The following EVI5 variants were observed in gnomAD, a reference collection of about 807,000 sequenced individuals.
EVI5 encodes the protein ecotropic viral integration site 5.
EVI5 carries 73 observed loss-of-function variants against 112.0 expected under a neutral mutation model. The ratio of observed to expected loss-of-function variants is 0.65; its 90% CI spans 0.54 to 0.79. EVI5 has a LOEUF of 0.79. Ranked by LOEUF, EVI5 falls within the 30% of genes least tolerant of loss-of-function variation. The pLI, the probability that EVI5 is intolerant of heterozygous loss-of-function variation, is 0.00. For synonymous variants in EVI5, 305 were observed against 319.9 expected (o/e 0.95, Z 0.50); for missense variants, 900 against 968.8 (o/e 0.93, Z 0.94).
intron 1 of EVI5, among the ~76,000 whole-genome samples, chr1:92,747,460 T>C (rs1558194196): frequency 6.6e-6 from 1 of 152,010 alleles, no homozygotes; most frequent in East Asian, 1.9e-4. Flanking sequence ...ATGCCTGTAA[T>C]CCCAGCACTG....
In EVI5 at chr1:92,549,370, T is replaced by C. The variant is rs183978600; in HGVS notation, c.2166+14272A>G. On this transcript the variant is annotated intron_variant, in intron 19 of 19. Transcript: ENST00000684568. Reference sequence around the variant, plus strand: ...ATTCAAGATGAATTAAAGACTTAAATGTTAGACCTAAAACTATAAAAACCC... The same window carrying C: ...ATTCAAGATGAATTAAAGACTTAAACGTTAGACCTAAAACTATAAAAACCC... Among the ~76,000 whole-genome samples the C allele has an allele frequency of 1.8e-4, 28 of 152,248 alleles. 1 individual carries two copies. In the East Asian group the frequency reaches 5.0e-3, roughly 27 times the overall value.
intron 18 of EVI5, among the ~76,000 whole-genome samples, chr1:92,584,109 A>G (rs2101122538): frequency 6.6e-6 from 1 of 152,298 alleles, no homozygotes; most frequent in East Asian, 1.9e-4. Flanking sequence ...CATTTTAAGA[A>G]TATTTTATAT....
At chr1:92,775,788 G>T (rs552490795) in intron 1 of EVI5, among the ~76,000 whole-genome samples, 2 of 152,134 alleles carry the variant, frequency 1.3e-5, no homozygotes, top group Non-Finnish European at 2.9e-5. Context: ...TGAGAAGCAG[G>T]CTTCTGTATT....
chr1:92,549,251 G>A (rs1302338025), intron 19 of EVI5, among the ~76,000 whole-genome samples: 4 of 152,258 alleles, frequency 2.6e-5, no homozygotes, highest in African/African-American at 9.6e-5. Context: ...ATGGGGAAAG[G>A]ATTCCCTATT....
intron 19 of EVI5, among the ~76,000 whole-genome samples, chr1:92,547,630 A>G (rs1178330118): frequency 6.6e-6 from 1 of 152,162 alleles, no homozygotes; most frequent in East Asian, 1.9e-4. Flanking sequence ...AGAGAGAAGA[A>G]TCAAATAGAC....
intron 19 of EVI5, among the ~76,000 whole-genome samples, chr1:92,563,195 C>T (rs1442245059): frequency 6.6e-6 from 1 of 152,016 alleles, no homozygotes; most frequent in Non-Finnish European, 1.5e-5. Context: ...TGATATTAGG[C>T]AAGTATCCTT....
At chr1:92,705,434 G>A (rs945422848) in intron 2 of EVI5, among the ~76,000 whole-genome samples, 4 of 152,116 alleles carry the variant, frequency 2.6e-5, no homozygotes, top group Non-Finnish European at 5.9e-5. Context: ...TAGCTGCGTG[G>A]GAGCTTCTTC....
intron 19 of EVI5, among the ~76,000 whole-genome samples, chr1:92,551,348 T>G (rs1666910082): frequency 1.3e-5 from 2 of 152,150 alleles, no homozygotes; most frequent in South Asian, 4.2e-4. Context: ...TTTCTATTCC[T>G]CCCCCTTCTC....
intron 1 of EVI5, among the ~76,000 whole-genome samples, chr1:92,776,783 A>T: frequency 6.7e-6 from 1 of 150,260 alleles, no homozygotes; most frequent in Non-Finnish European, 1.5e-5. Flanking sequence ...CTACAGGTGC[A>T]CACCACCATA....
In EVI5 at chr1:92,708,627, G is replaced by A. The variant is rs1291980052; in HGVS notation, c.150-3883C>T. Reference sequence around the variant, plus strand: ...TCCACTCTTAGGTATATATCCAAAAGAAATGAAAATTTATATCCATCAAAA... The same window carrying A: ...TCCACTCTTAGGTATATATCCAAAAAAAATGAAAATTTATATCCATCAAAA... On this transcript the variant is annotated intron_variant, in intron 2 of 19. Coordinates refer to ENST00000684568, the MANE Select transcript of EVI5 (RefSeq NM_001350197.2). Among the ~76,000 whole-genome samples the A allele has an allele frequency of 5.9e-5, 9 of 151,848 alleles. No homozygotes were observed. The South Asian group carries it at 1.5e-3, about 24-fold the overall frequency.
chr1:92,592,004 G>T (rs1422788320), intron 18 of EVI5, among the ~76,000 whole-genome samples: 1 of 152,224 alleles, frequency 6.6e-6, no homozygotes, highest in East Asian at 1.9e-4. Context: ...AGCACTTTGG[G>T]AGGCCAAGGC....
At position 92,697,886 on chromosome 1, in the gene EVI5, T is replaced by C; in HGVS notation, c.739A>G (p.Met247Val). The change falls in exon 6 of 20, where the codon ATG (methionine) becomes GTG (valine). Residue 247 changes from methionine (M) to valine (V), a missense_variant. Physicochemically the swap from Met to Val is conservative, Grantham distance 21. Coordinates refer to ENST00000684568, the MANE Select transcript of EVI5 (RefSeq NM_001350197.2). The part of the protein sequence containing the change: ...KPSMAELGLC[M>V]YQFECMIQEH... The stretch of plus-strand genomic sequence containing the variant: ...TGTATCATACATTCAAACTGGTACA[T>C]ACAAAGGCCCAATTCTGCCATACTT... 1 of 1,613,158 alleles carries C rather than the reference T, an allele frequency of 6.2e-7. No individual in the cohort carries two copies.
chr1:92,663,360 G>T, intron 12 of EVI5, 60 bp downstream of exon 12: 1 of 806,522 alleles, frequency 1.2e-6, no homozygotes, highest in South Asian at 2.1e-5. Flanking sequence ...CGAGGTTTAG[G>T]ACTTTCCTTA....
chr1:92,712,328 T>C (rs1036647966), intron 2 of EVI5, among the ~76,000 whole-genome samples: 2 of 152,222 alleles, frequency 1.3e-5, no homozygotes, highest in Non-Finnish European at 1.5e-5. Context: ...ATTTCTCTAG[T>C]TCTGAAAAAT....
chr1:92,543,469 C>G (rs986291344), intron 19 of EVI5, among the ~76,000 whole-genome samples: 1 of 152,206 alleles, frequency 6.6e-6, no homozygotes, highest in Non-Finnish European at 1.5e-5. Flanking sequence ...CCAGATCACT[C>G]AAACTTTCTC....
At chr1:92,772,169 T>C (rs35054144) in intron 1 of EVI5, among the ~76,000 whole-genome samples, 10,272 of 151,784 alleles carry the variant, frequency 0.068, 533 homozygotes, top group Non-Finnish European at 0.099. Context: ...TGTACCAGAA[T>C]AATCTTTCTA....
At chr1:92,661,646 T>C (rs993638634) in intron 13 of EVI5, among the ~76,000 whole-genome samples, 5 of 152,106 alleles carry the variant, frequency 3.3e-5, no homozygotes, top group African/African-American at 1.2e-4. Flanking sequence ...CTTTTTAGTA[T>C]TATTTTGTCA....
intron 2 of EVI5, chr1:92,732,154 A>G (rs552064787): frequency 5.3e-6 from 1 of 187,640 alleles, no homozygotes; most frequent in African/African-American, 2.4e-5. Context: ...GATGACTGTA[A>G]TCAATGAGAG....
rs1169254702 is a variant in EVI5 at position 92,658,962 on chromosome 1, T to C, written c.1392+3757A>G. Among the ~76,000 whole-genome samples, 3 of 151,984 alleles carry C rather than the reference T, an allele frequency of 2.0e-5. No homozygotes were observed. In the East Asian group the frequency reaches 5.8e-4, roughly 29 times the overall value. Reference sequence around the variant, plus strand: ...GTTTCCTGATCTTCAACAAAGTTGATAGAAACATACACTGAGAAAAGGACA... The same window carrying C: ...GTTTCCTGATCTTCAACAAAGTTGACAGAAACATACACTGAGAAAAGGACA... On this transcript the variant is annotated intron_variant, in intron 13 of 19. Coordinates refer to ENST00000684568, the MANE Select transcript of EVI5 (RefSeq NM_001350197.2).
Sources: gnomAD v4.1 joint callset for allele counts (sites outside exome capture counted in the v4.1 genomes callset) on GRCh38, gnomAD v4.1.1 for gene constraint, MANE v1.5 for transcripts, NCBI Gene and HGNC (gene_info 2026-07-23, HGNC 2026-07-21) for gene names.